Variants in BRF1 observed in about 807,000 individuals in gnomAD.
BRF1 encodes transcription factor IIIB 90 kDa subunit.
BRF1 carries 59 observed loss-of-function variants against 81.7 expected under a neutral mutation model. The ratio of observed to expected loss-of-function variants is 0.72; its 90% CI spans 0.59 to 0.90. The LOEUF is 0.90. Among genes scored for constraint, BRF1 ranks in the 40% least tolerant of loss-of-function variants. The pLI is 0.00. For synonymous variants in BRF1, 491 were observed against 395.6 expected, an observed-to-expected ratio of 1.24 and a Z score of -2.86; for missense variants, 1,050 against 936.3, an observed-to-expected ratio of 1.12 and a Z score of -1.58.
chr14:105,315,071 G>A lies in BRF1; in HGVS notation c.-162+251C>T. 2 of 1,122,868 alleles carry A rather than the reference G, an allele frequency of 1.8e-6. No individual in the cohort carries two copies. Among genetic ancestry groups the A allele is most frequent in the Non-Finnish European group, 2.2e-6 (2 of 910,568 alleles). The allele number at this position is 1,122,868 out of a possible 1,614,324, so 69.6% of individuals were successfully genotyped here. On this transcript the variant is annotated intron_variant, in intron 1 of 17. Coordinates refer to the BRF1 transcript ENST00000327359. The surrounding 1 kb of genome is among the most constrained non-coding windows in gnomAD (Gnocchi z 4.4). ...CGCCCGCCGCGCTTTGTTCCCGCCG[G>A]GCACCTGCTGGGGGTGTCCTGGCCG...
At chr14:105,245,080 C>T (rs1037001925) in intron 5 of BRF1, among the ~76,000 whole-genome samples, 1 of 152,178 alleles carries the variant, frequency 6.6e-6, no homozygotes, top group Non-Finnish European at 1.5e-5. Flanking sequence ...AGCAATGGGT[C>T]AGGCGTGGTG....
chr14:105,216,989 G>A (rs587640638), intron 15 of BRF1, among the ~76,000 whole-genome samples: 5 of 152,292 alleles, frequency 3.3e-5, no homozygotes, highest in African/African-American at 9.6e-5. Flanking sequence ...GCCACCCAGC[G>A]GCAAGCTGTG....
intron 3 of BRF1, among the ~76,000 whole-genome samples, chr14:105,270,791 G>GAA (rs78282645): frequency 1.0e-4 from 14 of 137,122 alleles, no homozygotes; most frequent in African/African-American, 3.2e-4. Context: ...ACCCTGTCTG[G>GAA]AAAAAAAAAA....
At position 105,228,885 on chromosome 14, in the gene BRF1, G is replaced by C. The variant is rs1002256447; in HGVS notation, c.723C>G (p.Asp241Glu). ...AALLVAARMHDFRRTVKEVIS... is the reference protein window; with the variant it reads ...AALLVAARMHEFRRTVKEVIS... ...TGACCTCCTTCACAGTCCTCCTGAA[G>C]TCATGCATTCTGGCTGCAACCAGGA... The change falls in exon 7 of 18, where the codon GAC becomes GAG. Residue 241 changes from aspartate (D) to glutamate (E), a missense_variant. This residue lies in a region of BRF1 where 1,043 missense variants were observed against 915.4 expected (regional missense o/e 1.14). Coordinates refer to ENST00000547530, the MANE Select transcript of BRF1 (RefSeq NM_001519.4). 9.3e-6 allele frequency: 15 copies of C among 1,613,710 alleles called. No individual in the cohort carries two copies. The African/African-American group carries it at 1.2e-4, about 13-fold the overall frequency.
Position 105,209,856 on chromosome 14 carries a change from G to A in BRF1, c.*695C>T, listed in dbSNP as rs1015190037. 32 of 489,488 alleles carry A rather than the reference G, an allele frequency of 6.5e-5. No individual in the cohort carries two copies. The highest frequency in any genetic ancestry group is 3.0e-4 in the Admixed American group (8 of 26,328). 30.3% of individuals were successfully genotyped at this position (489,488 alleles called of 1,614,324 possible). ...GGCTCCTGGGCCCACAACTCAAGTGGCCCTGGAGCAGGGGTCTGACCCCCA... is the reference window on the plus strand; with the variant it reads ...GGCTCCTGGGCCCACAACTCAAGTGACCCTGGAGCAGGGGTCTGACCCCCA... On this transcript the variant is annotated 3_prime_UTR_variant, in exon 18 of 18. Coordinates refer to ENST00000547530, the MANE Select transcript of BRF1 (RefSeq NM_001519.4).
rs1014529944 is a variant in BRF1, at chr14:105,211,179, G to C, written c.1939C>G (p.Pro647Ala). 6.2e-7 allele frequency: 1 copy of C among 1,612,358 alleles called. No individual in the cohort carries two copies. The highest frequency in any genetic ancestry group is 1.7e-5 in the Admixed American group (1 of 59,986). Residue 647 changes from proline to alanine, a missense_variant, in exon 17 of 18, where the codon CCT becomes GCT. By Grantham distance (27) the Pro-to-Ala change is conservative. This residue lies in a region of BRF1 where 1,043 missense variants were observed against 915.4 expected (regional missense o/e 1.14). Transcript: ENST00000547530. ...HADEEADEEE[P>A]DEEDGEPCVS... ...CAGGGCTCCCCGTCCTCCTCGTCAG[G>C]CTCCTCCTCGTCAGCCTCCTCGTCG...
intron 3 of BRF1, among the ~76,000 whole-genome samples, chr14:105,259,079 G>A (rs1296198663): frequency 1.3e-5 from 2 of 152,156 alleles, no homozygotes; most frequent in African/African-American, 2.4e-5. Context: ...AGGCCTGGAA[G>A]TTTCTTACAA....
intron 1 of BRF1, among the ~76,000 whole-genome samples, chr14:105,295,183 G>A (rs905146722): frequency 2.6e-5 from 4 of 151,794 alleles, no homozygotes; most frequent in African/African-American, 9.7e-5. Context: ...CAGAACATCC[G>A]GCGCTGAGCA....
chr14:105,307,274 G>A (rs2058217953), intron 1 of BRF1, among the ~76,000 whole-genome samples: 1 of 151,988 alleles, frequency 6.6e-6, no homozygotes, highest in African/African-American at 2.4e-5. Flanking sequence ...TCAGGCTCCT[G>A]CATTCCTGAA....
rs927073328 is a variant in BRF1 at position 105,209,293 on chromosome 14, T to G, written c.*1258A>C. ...CAGACAAGCCTCAGGCAATTTCTGT[T>G]AAGTAACAACAGATCTTCCTGCTTT... On this transcript the variant is annotated 3_prime_UTR_variant, in exon 18 of 18. Coordinates refer to ENST00000547530, the MANE Select transcript of BRF1 (RefSeq NM_001519.4). 7 of 495,734 alleles carry G rather than the reference T, an allele frequency of 1.4e-5. No individual in the cohort carries two copies. The highest frequency in any genetic ancestry group is 9.9e-5 in the African/African-American group (5 of 50,406). The allele number at this position is 495,734 out of a possible 1,614,324, so 30.7% of individuals were successfully genotyped here. A position where few individuals can be genotyped will look rare whatever the true frequency, so the allele number is the denominator to read the frequency against.
intron 1 of BRF1, among the ~76,000 whole-genome samples, chr14:105,292,423 C>T (rs1434434806): frequency 1.3e-5 from 2 of 152,226 alleles, no homozygotes; most frequent in African/African-American, 2.4e-5. Flanking sequence ...ATGTTGCCCA[C>T]GCTGGTCTCA....
intron 15 of BRF1, 178 bp downstream of exon 15, chr14:105,217,366 T>G (rs1595260248): frequency 1.1e-4 from 112 of 977,320 alleles, no homozygotes; most frequent in Non-Finnish European, 1.5e-4. Flanking sequence ...CAAGGAGAGT[T>G]GAGACACTGT....
intron 2 of BRF1, 71 bp from the exon 3 acceptor site, chr14:105,272,965 G>A (rs2056723514): frequency 3.4e-6 from 5 of 1,454,146 alleles, no homozygotes; most frequent in South Asian, 1.5e-5. Flanking sequence ...CACGGCCACA[G>A]CAGCAACTTT....
Position 105,292,923 on chromosome 14 carries a change from G to A in BRF1, c.185-6547C>T, listed in dbSNP as rs141376952. 3.6e-3 allele frequency among the ~76,000 whole-genome samples: 547 copies of A among 152,294 alleles called. 3 individuals are homozygous for A. The highest frequency in any genetic ancestry group is 5.4e-3 in the Non-Finnish European group (365 of 68,030). On this transcript the variant is annotated intron_variant, in intron 1 of 17. Transcript: ENST00000547530. Reference sequence around the variant, plus strand: ...CCAGGCCCCTTCCCCAGGCCACTGCGGAGGAGCTGGTTTTGTAGTGATTAC... The same window carrying A: ...CCAGGCCCCTTCCCCAGGCCACTGCAGAGGAGCTGGTTTTGTAGTGATTAC...
intron 1 of BRF1, among the ~76,000 whole-genome samples, chr14:105,306,645 G>A (rs587760725): frequency 3.1e-4 from 46 of 146,976 alleles, no homozygotes; most frequent in African/African-American, 1.1e-3. Context: ...TCGCTGTGTC[G>A]CCCAGGCTGT....
At chr14:105,249,499 A>G (rs1174362300) in intron 5 of BRF1, 10 of 926,924 alleles carry the variant, frequency 1.1e-5, no homozygotes, top group Admixed American at 1.9e-5. Flanking sequence ...TCTACTGGGG[A>G]GGGACGGGTG....
chr14:105,224,078 A>G (rs1186117228), intron 10 of BRF1, among the ~76,000 whole-genome samples: 2 of 152,188 alleles, frequency 1.3e-5, no homozygotes, highest in Non-Finnish European at 2.9e-5. Context: ...TTTGCCTTTA[A>G]AAATCCATCT....
chr14:105,247,954 T>C (rs1221753851), intron 5 of BRF1: 2 of 985,330 alleles, frequency 2.0e-6, no homozygotes, highest in Non-Finnish European at 2.4e-6. Context: ...GCGACTGCGA[T>C]CCACAGGCAG....
At chr14:105,293,903 G>A (rs921942938) in intron 1 of BRF1, among the ~76,000 whole-genome samples, 9 of 152,186 alleles carry the variant, frequency 5.9e-5, no homozygotes, top group Non-Finnish European at 1.0e-4. Context: ...TCAATTAATA[G>A]GCAAAACACC....
Sources: allele counts gnomAD v4.1 joint callset (sites outside exome capture counted in the v4.1 genomes callset), GRCh38; gene constraint gnomAD v4.1.1; regional missense constraint gnomAD v4.1.1; non-coding constraint Gnocchi (gnomAD v3.1); transcripts MANE v1.5; gene names NCBI Gene and HGNC (gene_info 2026-07-23, HGNC 2026-07-21).